The following RHCG variants were observed in gnomAD, a reference collection of about 807,000 sequenced individuals.
The protein encoded by RHCG is Rh family C glycoprotein, also known as ammonium transporter Rh type C.
Under a neutral mutation model 55.3 loss-of-function variants are expected in RHCG, and 39 were observed. The observed-to-expected ratio is 0.70, with a 90% CI of 0.55 to 0.92. The LOEUF (loss-of-function observed/expected upper bound fraction) is 0.92. Among genes scored for constraint, RHCG ranks in the 40% least tolerant of loss-of-function variants. RHCG has a pLI of 0.00. For missense variants in RHCG, 635 were observed against 627.9 expected (o/e 1.01, Z -0.12); for synonymous variants, 250 against 246.8 (o/e 1.01, Z -0.12).
chr15:89,496,345 A>G lies in RHCG; in HGVS notation c.184+16T>C, dbSNP rs758874210. ...GCGGATATGCCTCCGCTGGGCCTGC[A>G]GGCGGCGAGACTTACTTGGGTAGCG... is the stretch of plus-strand genomic sequence containing the variant. On this transcript the variant is annotated intron_variant, in intron 1 of 10. Transcript: ENST00000268122. The G allele has an allele frequency of 6.2e-7, 1 of 1,613,138 alleles. No homozygotes were observed. Among genetic ancestry groups the G allele is most frequent in the Non-Finnish European group, 8.5e-7 (1 of 1,179,622 alleles).
chr15:89,479,345 G>T lies in RHCG; in HGVS notation c.814C>A (p.His272Asn), dbSNP rs1350136527. The change falls in exon 5 of 11, where the codon CAC (histidine) becomes AAC (asparagine). Residue 272 changes from histidine (H) to asparagine (N), a missense_variant. By Grantham distance (68) the His-to-Asn change is moderately conservative (BLOSUM62 1). Coordinates refer to ENST00000268122, the MANE Select transcript of RHCG (RefSeq NM_016321.3). The stretch of plus-strand genomic sequence containing the variant: ...ACCATGTCCAGCTTGCCCTTCTTGT[G>T]CAGGGCACTGGATATTGCCACCGAG... The part of the protein sequence containing the change: ...LTSVAISSAL[H>N]KKGKLDMVHI... The T allele has an allele frequency of 5.0e-6, 8 of 1,613,918 alleles. No homozygotes were observed. The highest frequency in any genetic ancestry group is 3.3e-5 in the Admixed American group (2 of 59,990).
chr15:89,487,084 C>A, intron 1 of RHCG, 99 bp from the exon 2 acceptor site: 1 of 1,120,190 alleles, frequency 8.9e-7, no homozygotes, highest in South Asian at 1.8e-5. Context: ...TCAGTCTTCC[C>A]CGCCACTGGC....
rs1210061647 is a variant in RHCG at position 89,477,759 on chromosome 15, A to AG, written c.975+77dup. ...TTCTCTAGCCCTCAGCCCCCTCCCT[A>AG]GGAACCCTCAGCTCACTGTCAGGAA... On this transcript the variant is annotated intron_variant, in intron 6 of 10. Coordinates refer to ENST00000268122, the MANE Select transcript of RHCG (RefSeq NM_016321.3). This position sits in a 1 kb window ranked among gnomAD's most constrained non-coding sequence, Gnocchi z 4.5. 6.2e-7 allele frequency: 1 copy of AG among 1,604,278 alleles called. No homozygotes were observed.
intron 5 of RHCG, among the ~76,000 whole-genome samples, chr15:89,478,842 G>A (rs1961206528): frequency 6.6e-6 from 1 of 152,182 alleles, no homozygotes; most frequent in Admixed American, 6.5e-5. Flanking sequence ...TGTAATCCTA[G>A]CACTTTGGGA....
chr15:89,472,768 T>C lies in RHCG; in HGVS notation c.1407A>G (p.Leu469=). ...SVPSVPMVSP[L]PMASSVPLVP ...CCAAGGGTACCGAGGAAGCCATGGG[T>C]AGTGGGGACACCATGGGTACTGAGG... Residue 469 remains leucine, a synonymous_variant, in exon 10 of 11, where the codon CTA becomes CTG. Transcript: ENST00000268122. 1 of 1,589,584 alleles carries C rather than the reference T, an allele frequency of 6.3e-7. No individual in the cohort carries two copies. Among genetic ancestry groups the C allele is most frequent in the Non-Finnish European group, 8.6e-7 (1 of 1,167,966 alleles).
chr15:89,472,145 T>C (rs1042136154), intron 10 of RHCG, among the ~76,000 whole-genome samples: 5 of 152,202 alleles, frequency 3.3e-5, no homozygotes, highest in Non-Finnish European at 5.9e-5. Flanking sequence ...TTGAAGAACC[T>C]GAACTTCTCC....
chr15:89,483,249 GGCAATA>G, intron 2 of RHCG, 32 bp from the exon 3 acceptor site: 1 of 1,487,822 alleles, frequency 6.7e-7, no homozygotes, highest in East Asian at 2.3e-5. Flanking sequence ...GAGAAGCTGG[GGCAATA>G]GCAAAAAGTG....
intron 4 of RHCG, 128 bp downstream of exon 4, chr15:89,480,133 G>A (rs904356968): frequency 1.4e-5 from 17 of 1,255,324 alleles, no homozygotes; most frequent in Non-Finnish European, 1.8e-5. Flanking sequence ...ACCATACCAC[G>A]TGGGGATCAG....
chr15:89,491,250 C>T (rs1961469944), intron 1 of RHCG, among the ~76,000 whole-genome samples: 1 of 152,072 alleles, frequency 6.6e-6, no homozygotes, highest in Admixed American at 6.5e-5. Flanking sequence ...TGCTCTTCTC[C>T]CTGCTCTGGT....
chr15:89,481,317 G>T (rs192886500), intron 3 of RHCG, among the ~76,000 whole-genome samples: 1 of 152,252 alleles, frequency 6.6e-6, no homozygotes, highest in East Asian at 1.9e-4. Flanking sequence ...GAGCATGGTG[G>T]TGTGCACCTG....
intron 9 of RHCG, among the ~76,000 whole-genome samples, chr15:89,473,174 A>G (rs1345653998): frequency 6.6e-6 from 1 of 152,244 alleles, no homozygotes; most frequent in African/African-American, 2.4e-5. Flanking sequence ...CAACAGGCTT[A>G]TAACCCAGCC....
intron 10 of RHCG, 70 bp downstream of exon 10, chr15:89,472,641 T>A: frequency 6.8e-7 from 1 of 1,463,878 alleles, no homozygotes; most frequent in Non-Finnish European, 9.3e-7. Flanking sequence ...GCTAGTAACA[T>A]CTGATTCTGA....
chr15:89,473,282 T>C (rs1961073889), intron 9 of RHCG, among the ~76,000 whole-genome samples: 1 of 152,126 alleles, frequency 6.6e-6, no homozygotes, highest in Non-Finnish European at 1.5e-5. Context: ...CTCTGTAAAC[T>C]GCAGACAGGT....
chr15:89,473,666 T>C (rs796420244), intron 9 of RHCG, among the ~76,000 whole-genome samples: 24 of 152,212 alleles, frequency 1.6e-4, no homozygotes, highest in African/African-American at 5.5e-4. Context: ...GCATTTACAT[T>C]GTGTTAGGTA....
At position 89,477,919 on chromosome 15, in the gene RHCG, T is replaced by G. The variant is rs764763891; in HGVS notation, c.893A>C (p.Glu298Ala). 6.8e-6 allele frequency: 11 copies of G among 1,613,464 alleles called. No individual in the cohort carries two copies. Reference sequence around the variant, plus strand: ...GGCACCGTAAGGCATGAGCATCATCTCAGCAGCGGTACCCACGGCCACCCC... The same window carrying G: ...GGCACCGTAAGGCATGAGCATCATCGCAGCAGCGGTACCCACGGCCACCCC... ...AGGVAVGTAA[E>A]MMLMPYGALI... Residue 298 changes from glutamate to alanine, a missense_variant, in exon 6 of 11, where the codon GAG becomes GCG. Transcript: ENST00000268122. This position sits in a 1 kb window ranked among gnomAD's most constrained non-coding sequence, Gnocchi z 4.5.
intron 3 of RHCG, 37 bp from the exon 4 acceptor site, chr15:89,480,445 C>G: frequency 1.3e-6 from 2 of 1,593,932 alleles, no homozygotes; most frequent in Non-Finnish European, 1.7e-6. Flanking sequence ...CTGGCACCTT[C>G]TCTCCCTCCC....
rs200931430 is a variant in RHCG, at chr15:89,486,798, C to G, written c.371+1G>C. On this transcript the variant is annotated splice_donor_variant, in intron 2 of 10. Coordinates refer to ENST00000268122, the MANE Select transcript of RHCG (RefSeq NM_016321.3). LOFTEE classifies it high-confidence loss of function. ...GCCCCCGGGGCCCGCCCTGCGCTCA[C>G]TTCTCCACGCCCACGACGATGTAGC... is the stretch of plus-strand genomic sequence containing the variant. 66 of 1,585,312 alleles carry G rather than the reference C, an allele frequency of 4.2e-5. No homozygotes were observed. The highest frequency in any genetic ancestry group is 5.3e-5 in the Non-Finnish European group (62 of 1,159,866).
intron 9 of RHCG, 36 bp downstream of exon 9, chr15:89,476,716 AGCT>A: frequency 6.4e-7 from 1 of 1,551,514 alleles, no homozygotes; most frequent in Non-Finnish European, 8.9e-7. Context: ...GAGGGAACGC[AGCT>A]GCCCTCCTTC....
At chr15:89,476,012 G>GCTCTCT (rs147396388) in intron 9 of RHCG, among the ~76,000 whole-genome samples, 4 of 132,720 alleles carry the variant, frequency 3.0e-5, no homozygotes, top group East Asian at 2.0e-4. Flanking sequence ...TCTTGCTCTC[G>GCTCTCT]CTCTCTCTCT....
Sources: allele counts gnomAD v4.1 joint callset (sites outside exome capture counted in the v4.1 genomes callset), GRCh38; gene constraint gnomAD v4.1.1; non-coding constraint Gnocchi (gnomAD v3.1); transcripts MANE v1.5; gene names NCBI Gene and HGNC (gene_info 2026-07-23, HGNC 2026-07-21).